The following CCL4L2 variants were observed in gnomAD, a reference collection of about 807,000 sequenced individuals.
The protein encoded by CCL4L2 is C-C motif chemokine ligand 4 like 2.
CCL4L2 carries 3 observed loss-of-function variants against 5.9 expected under a neutral mutation model. The ratio of observed to expected loss-of-function variants is 0.51; its 90% CI spans 0.23 to 1.32. CCL4L2 has a LOEUF of 1.32. Among genes scored for constraint, CCL4L2 ranks in the 40% most tolerant of loss-of-function variants. The probability of loss-of-function intolerance (pLI) is 0.18; values close to 1 mark genes in which losing one functional copy is unlikely to be tolerated. For synonymous variants in CCL4L2, 36 were observed against 47.6 expected, an observed-to-expected ratio of 0.76 and a Z score of 1.00; for missense variants, 74 against 121.2, an observed-to-expected ratio of 0.61 and a Z score of 1.83.
In CCL4L2 at chr17:36,212,564, A is replaced by G; in HGVS notation, c.*141A>G. 1 of 1,581,456 alleles carries G rather than the reference A, an allele frequency of 6.3e-7. No individual in the cohort carries two copies. ...GGAGTACGTGTATGACCTGGAACTG[A>G]ACTGAGCTGCTCAGAGACAGGAAGT... is the stretch of plus-strand genomic sequence containing the variant. On this transcript the variant is annotated 3_prime_UTR_variant, in exon 3 of 3. Transcript: ENST00000617405.
rs2068778579 is a variant in CCL4L2 at position 36,211,645 on chromosome 17, G to A, written c.77-131G>A. 6.8e-6 allele frequency: 7 copies of A among 1,023,456 alleles called. 1 individual carries two copies. The South Asian group carries it at 9.3e-5, about 14-fold the overall frequency. 63.4% of individuals were successfully genotyped at this position (1,023,456 alleles called of 1,614,324 possible). A position where few individuals can be genotyped will look rare whatever the true frequency, so the allele number is the denominator to read the frequency against. ...TAAGACTCCTGCTCATGTTAGGTGG[G>A]AATGGATACAAGGGACCATATTTGG... On this transcript the variant is annotated intron_variant, in intron 1 of 2. Coordinates refer to ENST00000617405, the MANE Select transcript of CCL4L2 (RefSeq NM_001291475.2).
chr17:36,212,217 A>G, intron 2 of CCL4L2: 3 of 712,942 alleles, frequency 4.2e-6, no homozygotes, highest in Non-Finnish European at 5.1e-6. Flanking sequence ...CCAGGCTGGC[A>G]GGGAATGGGG....
rs1336298262 is a variant in CCL4L2 at position 36,212,222 on chromosome 17, A to AT, written c.192-80dup. On this transcript the variant is annotated intron_variant, in intron 2 of 2. Coordinates refer to ENST00000617405, the MANE Select transcript of CCL4L2 (RefSeq NM_001291475.2). Reference sequence around the variant, plus strand: ...AAAGTCACTACCAGGCTGGCAGGGAATGGGGCAATCTATTCATACTGATTG... The same window carrying AT: ...AAAGTCACTACCAGGCTGGCAGGGAATTGGGGCAATCTATTCATACTGATTG... 7.0e-6 allele frequency: 5 copies of AT among 713,606 alleles called. 1 individual carries two copies. The East Asian group carries it at 1.3e-4, about 19-fold the overall frequency. The allele number at this position is 713,606 out of a possible 1,614,324, so 44.2% of individuals were successfully genotyped here. A position where few individuals can be genotyped will look rare whatever the true frequency, so the allele number is the denominator to read the frequency against.
chr17:36,212,071 T>C lies in CCL4L2; in HGVS notation c.191+181T>C. 8.4e-6 allele frequency: 7 copies of C among 834,694 alleles called. 1 individual carries two copies. In the South Asian group the frequency reaches 8.7e-5, roughly 10 times the overall value. 51.7% of individuals were successfully genotyped at this position (834,694 alleles called of 1,614,324 possible). A position where few individuals can be genotyped will look rare whatever the true frequency, so the allele number is the denominator to read the frequency against. ...TTTTCAAGTGCTGAAGGCGGCTGAG[T>C]GGCAGCCGAGACAGAAGGGGGTTCC... On this transcript the variant is annotated intron_variant, in intron 2 of 2. Transcript: ENST00000617405.
Position 36,212,009 on chromosome 17 carries a change from T to A in CCL4L2, c.191+119T>A, listed in dbSNP as rs753125022. 17 of 1,195,904 alleles carry A rather than the reference T, an allele frequency of 1.4e-5. No individual in the cohort carries two copies. In the African/African-American group the frequency reaches 2.3e-4, roughly 16 times the overall value. The allele number at this position is 1,195,904 out of a possible 1,614,324, so 74.1% of individuals were successfully genotyped here. ...GAGGCAGCTCTCAGGGCTGAAGCCT[T>A]CCCTGACAGCAGTGAGGTCACAGGT... On this transcript the variant is annotated intron_variant, in intron 2 of 2. Transcript: ENST00000617405.
intron 1 of CCL4L2, 107 bp from the exon 2 acceptor site, chr17:36,211,668 TG>T: frequency 1.6e-6 from 2 of 1,259,468 alleles, no homozygotes; most frequent in South Asian, 1.2e-5. Context: ...GGACCATATT[TG>T]GGGTTCTGGT....
intron 1 of CCL4L2, 172 bp downstream of exon 1, chr17:36,211,389 G>A (rs2068773078): frequency 2.1e-6 from 2 of 970,430 alleles, no homozygotes; most frequent in Non-Finnish European, 3.4e-6. Context: ...TAACATTCAA[G>A]TTCCTATTTT....
chr17:36,211,666 T>C lies in CCL4L2; in HGVS notation c.77-110T>C. On this transcript the variant is annotated intron_variant, in intron 1 of 2. Transcript: ENST00000617405. ...GTGGGAATGGATACAAGGGACCATATTTGGGGTTCTGGTAGCTCCACAGGG... is the reference window on the plus strand; with the variant it reads ...GTGGGAATGGATACAAGGGACCATACTTGGGGTTCTGGTAGCTCCACAGGG... 1.6e-5 allele frequency: 20 copies of C among 1,244,152 alleles called. 3 individuals are homozygous for C. In the South Asian group the frequency reaches 2.5e-4, roughly 15 times the overall value. 77.1% of individuals were successfully genotyped at this position (1,244,152 alleles called of 1,614,324 possible).
At position 36,212,463 on chromosome 17, in the gene CCL4L2, T is replaced by C; in HGVS notation, c.*40T>C. 1.9e-6 allele frequency: 3 copies of C among 1,581,318 alleles called. No individual in the cohort carries two copies. Among genetic ancestry groups the C allele is most frequent in the South Asian group, 2.2e-5 (2 of 89,114 alleles). ...AAAGGTCCCATGGGATTCTAATCTG[T>C]CTGCTCCTTGTTCTACGGATTCCAA... is the stretch of plus-strand genomic sequence containing the variant. On this transcript the variant is annotated 3_prime_UTR_variant, in exon 3 of 3. Coordinates refer to ENST00000617405, the MANE Select transcript of CCL4L2 (RefSeq NM_001291475.2).
Position 36,212,852 on chromosome 17 carries a change from A to C in CCL4L2, c.*429A>C. The C allele has an allele frequency of 2.0e-6, 1 of 495,450 alleles. No individual in the cohort carries two copies. 30.7% of individuals were successfully genotyped at this position (495,450 alleles called of 1,614,324 possible). On this transcript the variant is annotated 3_prime_UTR_variant, in exon 3 of 3. Coordinates refer to ENST00000617405, the MANE Select transcript of CCL4L2 (RefSeq NM_001291475.2). Reference sequence around the variant, plus strand: ...GTTAATTCCATGTGTTTTCATAATAAAACTTTAAAATAAAATGCAAACAGT... The same window carrying C: ...GTTAATTCCATGTGTTTTCATAATACAACTTTAAAATAAAATGCAAACAGT...
Position 36,212,750 on chromosome 17 carries a change from G to A in CCL4L2, c.*327G>A. The A allele has an allele frequency of 1.2e-6, 1 of 855,188 alleles. No homozygotes were observed. The highest frequency in any genetic ancestry group is 2.6e-5 in the East Asian group (1 of 39,106). 53.0% of individuals were successfully genotyped at this position (855,188 alleles called of 1,614,324 possible). Reference sequence around the variant, plus strand: ...TATTTCCATTATTTATATTAGTTTAGCCAAAGGATAAGTGTCCCCTATGGG... The same window carrying A: ...TATTTCCATTATTTATATTAGTTTAACCAAAGGATAAGTGTCCCCTATGGG... On this transcript the variant is annotated 3_prime_UTR_variant, in exon 3 of 3. Transcript: ENST00000617405.
chr17:36,212,546 G>A lies in CCL4L2; in HGVS notation c.*123G>A, dbSNP rs372370654. ...CAGTGAGTCCTGGGTCCAGGAGTACGTGTATGACCTGGAACTGAACTGAGC... is the reference window on the plus strand; with the variant it reads ...CAGTGAGTCCTGGGTCCAGGAGTACATGTATGACCTGGAACTGAACTGAGC... On this transcript the variant is annotated 3_prime_UTR_variant, in exon 3 of 3. Coordinates refer to ENST00000617405, the MANE Select transcript of CCL4L2 (RefSeq NM_001291475.2). The A allele has an allele frequency of 7.9e-4, 1,256 of 1,581,370 alleles. 144 individuals carry two copies. Among genetic ancestry groups the A allele is most frequent in the Non-Finnish European group, 1.0e-3 (1,156 of 1,156,582 alleles).
Position 36,211,080 on chromosome 17 carries a change from G to A in CCL4L2, c.-62G>A, listed in dbSNP as rs1373376663. 3 of 1,543,982 alleles carry A rather than the reference G, an allele frequency of 1.9e-6. No homozygotes were observed. The highest frequency in any genetic ancestry group is 2.3e-5 in the South Asian group (2 of 88,522). Reference sequence around the variant, plus strand: ...TCAGTATCAGCACAGGACACAGCTAGGTTCTGAAGCTTCTGAGTTCTGCAG... The same window carrying A: ...TCAGTATCAGCACAGGACACAGCTAAGTTCTGAAGCTTCTGAGTTCTGCAG... On this transcript the variant is annotated 5_prime_UTR_variant, in exon 1 of 3. Coordinates refer to ENST00000617405, the MANE Select transcript of CCL4L2 (RefSeq NM_001291475.2).
In CCL4L2 at chr17:36,212,300, C is replaced by T. The variant is rs2142233644; in HGVS notation, c.192-3C>T. 1 of 885,434 alleles carries T rather than the reference C, an allele frequency of 1.1e-6. No individual in the cohort carries two copies. The highest frequency in any genetic ancestry group is 2.5e-5 in the East Asian group (1 of 40,652). The allele number at this position is 885,434 out of a possible 1,614,324, so 54.8% of individuals were successfully genotyped here. A position where few individuals can be genotyped will look rare whatever the true frequency, so the allele number is the denominator to read the frequency against. Reference sequence around the variant, plus strand: ...AACCCCTGGGGCCCACAGCTAAATCCAGTGAGTGGAAGTTACAGGGAGTCT... The same window carrying T: ...AACCCCTGGGGCCCACAGCTAAATCTAGTGAGTGGAAGTTACAGGGAGTCT... On this transcript the variant is annotated splice_polypyrimidine_tract_variant and splice_region_variant and intron_variant, in intron 2 of 2. Coordinates refer to ENST00000617405, the MANE Select transcript of CCL4L2 (RefSeq NM_001291475.2).
rs1323059285 is a variant in CCL4L2, at chr17:36,211,742, G to A, written c.77-34G>A. On this transcript the variant is annotated intron_variant, in intron 1 of 2. Transcript: ENST00000617405. The stretch of plus-strand genomic sequence containing the variant: ...AAGTCAAAATAAACAGCTCCCATGG[G>A]CAGTGTTGATCTCACCCTGGCCTTT... 8.3e-6 allele frequency: 13 copies of A among 1,561,000 alleles called. 2 individuals are homozygous for A. Among genetic ancestry groups the A allele is most frequent in the Non-Finnish European group, 9.7e-6 (11 of 1,139,412 alleles).
intron 1 of CCL4L2, 180 bp downstream of exon 1, chr17:36,211,397 T>C: frequency 1.1e-6 from 1 of 937,692 alleles, no homozygotes; most frequent in South Asian, 1.3e-5. Context: ...AAGTTCCTAT[T>C]TTCTTAAGAA....
At position 36,212,547 on chromosome 17, in the gene CCL4L2, T is replaced by C. The variant is rs1301793398; in HGVS notation, c.*124T>C. The C allele has an allele frequency of 7.0e-6, 11 of 1,581,256 alleles. 1 individual carries two copies. The highest frequency in any genetic ancestry group is 8.6e-6 in the Non-Finnish European group (10 of 1,156,494). ...AGTGAGTCCTGGGTCCAGGAGTACG[T>C]GTATGACCTGGAACTGAACTGAGCT... On this transcript the variant is annotated 3_prime_UTR_variant, in exon 3 of 3. Coordinates refer to ENST00000617405, the MANE Select transcript of CCL4L2 (RefSeq NM_001291475.2).
In CCL4L2 at chr17:36,212,846, A is replaced by G. The variant is rs1378062236; in HGVS notation, c.*423A>G. 190 of 506,194 alleles carry G rather than the reference A, an allele frequency of 3.8e-4. No individual in the cohort carries two copies. Among genetic ancestry groups the G allele is most frequent in the African/African-American group, 3.1e-3 (166 of 54,180 alleles). The allele number at this position is 506,194 out of a possible 1,614,324, so 31.4% of individuals were successfully genotyped here. A position where few individuals can be genotyped will look rare whatever the true frequency, so the allele number is the denominator to read the frequency against. ...AACACCGTTAATTCCATGTGTTTTCATAATAAAACTTTAAAATAAAATGCA... is the reference window on the plus strand; with the variant it reads ...AACACCGTTAATTCCATGTGTTTTCGTAATAAAACTTTAAAATAAAATGCA... On this transcript the variant is annotated 3_prime_UTR_variant, in exon 3 of 3. Coordinates refer to ENST00000617405, the MANE Select transcript of CCL4L2 (RefSeq NM_001291475.2).
intron 1 of CCL4L2, 21 bp downstream of exon 1, chr17:36,211,238 G>C: frequency 1.3e-6 from 2 of 1,579,960 alleles, no homozygotes; most frequent in Non-Finnish European, 1.7e-6. Context: ...TTTTGCAGCT[G>C]CTATTTCGAG....
Sources: gnomAD v4.1 joint callset for allele counts on GRCh38, gnomAD v4.1.1 for gene constraint, MANE v1.5 for transcripts, NCBI Gene and HGNC (gene_info 2026-07-23, HGNC 2026-07-21) for gene names.